Variants in DOCK9 observed in about 807,000 individuals in gnomAD.
The protein encoded by DOCK9 is dedicator of cytokinesis 9.
DOCK9 carries 89 observed loss-of-function variants against 263.3 expected under a neutral mutation model. The ratio of observed to expected loss-of-function variants is 0.34; its 90% confidence interval spans 0.28 to 0.40. The LOEUF (loss-of-function observed/expected upper bound fraction) is 0.40, where lower values mean the gene tolerates loss of function less well. DOCK9 is among the 10% of genes least tolerant of loss of function. The probability of loss-of-function intolerance (pLI) is 1.00; values close to 1 mark genes in which losing one functional copy is unlikely to be tolerated. For missense variants in DOCK9, 2,140 were observed against 2,603.4 expected (o/e 0.82, Z 3.87); for synonymous variants, 976 against 973.1 (o/e 1.00, Z -0.06).
intron 39 of DOCK9, 130 bp downstream of exon 39, chr13:98,837,364 T>C (rs1404152280): frequency 3.2e-6 from 2 of 626,454 alleles, no homozygotes; most frequent in African/African-American, 3.7e-5. Context: ...AGATTAATGG[T>C]TTCCTTACAG....
intron 35 of DOCK9, among the ~76,000 whole-genome samples, chr13:98,852,171 A>T (rs2093593490): frequency 6.6e-6 from 1 of 152,242 alleles, no homozygotes; most frequent in African/African-American, 2.4e-5. Flanking sequence ...GCTGAAACTC[A>T]TTATTACCAT....
chr13:98,875,404 A>G (rs1219248050), intron 27 of DOCK9, among the ~76,000 whole-genome samples: 1 of 152,222 alleles, frequency 6.6e-6, no homozygotes, highest in East Asian at 1.9e-4. Context: ...TTCACTTTCA[A>G]AAACAGTTCT....
At chr13:98,930,322 G>A (rs2053712916) in intron 2 of DOCK9, 65 bp from the exon 3 acceptor site, 5 of 1,373,048 alleles carry the variant, frequency 3.6e-6, no homozygotes, top group South Asian at 1.2e-5. Context: ...GCCTCAGAGT[G>A]CAGCTGTGTG....
At chr13:98,994,209 A>C (rs1317829879) in intron 1 of DOCK9, among the ~76,000 whole-genome samples, 1 of 152,254 alleles carries the variant, frequency 6.6e-6, no homozygotes, top group Non-Finnish European at 1.5e-5. Context: ...ATCTCCTAGG[A>C]CAGAAGCTGT....
intron 41 of DOCK9, among the ~76,000 whole-genome samples, chr13:98,830,493 C>T (rs943042654): frequency 6.6e-6 from 1 of 152,182 alleles, no homozygotes; most frequent in African/African-American, 2.4e-5. Context: ...TTTGGATATG[C>T]CACCATGGGT....
chr13:98,944,831 C>T (rs1187642580), intron 2 of DOCK9, among the ~76,000 whole-genome samples: 1 of 152,216 alleles, frequency 6.6e-6, no homozygotes, highest in Non-Finnish European at 1.5e-5. Context: ...GAAAGGCTGG[C>T]ACAAATACAA....
Position 98,807,749 on chromosome 13 carries a change from G to T in DOCK9, c.5426C>A (p.Pro1809Gln), listed in dbSNP as rs1445889642. Reference sequence around the variant, plus strand: ...GAGTCTCTGAGAAATTTCCGACAGCGGTGTGAGTTTGGGTTCCTTGTAAAT... The same window carrying T: ...GAGTCTCTGAGAAATTTCCGACAGCTGTGTGAGTTTGGGTTCCTTGTAAAT... ...EYIYKEPKLT[P>Q]LSEISQRLLK... The change falls in exon 48 of 53, where the codon CCG (proline) becomes CAG (glutamine). Residue 1809 changes from proline to glutamine, a missense_variant. Transcript: ENST00000682017. The T allele has an allele frequency of 3.1e-6, 5 of 1,613,524 alleles. No homozygotes were observed. The highest frequency in any genetic ancestry group is 4.2e-6 in the Non-Finnish European group (5 of 1,179,600).
At chr13:99,031,115 G>GC (rs1555297062) in intron 1 of DOCK9, among the ~76,000 whole-genome samples, 8 of 133,408 alleles carry the variant, frequency 6.0e-5, no homozygotes, top group African/African-American at 2.2e-4. Context: ...TGTAATTGAT[G>GC]TTTTTTTTAA....
At chr13:98,795,970 G>A (rs1161588443) in intron 52 of DOCK9, among the ~76,000 whole-genome samples, 3 of 151,986 alleles carry the variant, frequency 2.0e-5, no homozygotes, top group Non-Finnish European at 4.4e-5. Context: ...TGTTGGCCAG[G>A]CTGGTCTCGA....
rs996882696 is a variant in DOCK9 at position 98,881,709 on chromosome 13, T to C, written c.2676-82A>G. 4.2e-5 allele frequency: 59 copies of C among 1,413,430 alleles called. No homozygotes were observed. In the Admixed American group the frequency reaches 1.0e-3, roughly 25 times the overall value. 87.6% of individuals were successfully genotyped at this position (1,413,430 alleles called of 1,614,324 possible). Reference sequence around the variant, plus strand: ...TATTATCACAGCAGTAGTAGAACAATGATGATGCTATCAGCACTTAGGAAA... The same window carrying C: ...TATTATCACAGCAGTAGTAGAACAACGATGATGCTATCAGCACTTAGGAAA... On this transcript the variant is annotated intron_variant, in intron 24 of 52. Coordinates refer to ENST00000682017, the MANE Select transcript of DOCK9 (RefSeq NM_001366683.2).
chr13:98,810,229 C>T lies in DOCK9; in HGVS notation c.5193G>A (p.Glu1731=), dbSNP rs766269599. 5.1e-5 allele frequency: 82 copies of T among 1,613,680 alleles called. No homozygotes were observed. The South Asian group carries it at 8.8e-4, about 17-fold the overall frequency. Residue 1731 remains glutamate, a synonymous_variant, in exon 46 of 53, where the codon GAG becomes GAA. Transcript: ENST00000682017. Reference sequence around the variant, plus strand: ...TAAGTTTGTAGATGTCGGCGATGAGCTCGTAGCGCTCGGCTTTCCAGAGTC... The same window carrying T: ...TAAGTTTGTAGATGTCGGCGATGAGTTCGTAGCGCTCGGCTTTCCAGAGTC... ...ADGLWKAERY[E]LIADIYKLII...
chr13:98,983,683 C>G (rs1486242809), intron 1 of DOCK9, among the ~76,000 whole-genome samples: 2 of 151,460 alleles, frequency 1.3e-5, no homozygotes, highest in Non-Finnish European at 2.9e-5. Context: ...GTGGCATGAC[C>G]TCGGCTCACT....
chr13:98,914,527 G>C (rs1362445464), intron 8 of DOCK9, 132 bp from the exon 9 acceptor site: 3 of 707,412 alleles, frequency 4.2e-6, no homozygotes, highest in Non-Finnish European at 7.1e-6. Flanking sequence ...ATGCTCCTGG[G>C]AAACACTTGG....
At chr13:99,077,236 T>G (rs1278499760) in intron 1 of DOCK9, among the ~76,000 whole-genome samples, 1 of 152,210 alleles carries the variant, frequency 6.6e-6, no homozygotes, top group Non-Finnish European at 1.5e-5. Context: ...CTATCCCCTA[T>G]GATATGGTTT....
At chr13:98,999,946 C>A (rs1195027852) in intron 1 of DOCK9, among the ~76,000 whole-genome samples, 2 of 152,096 alleles carry the variant, frequency 1.3e-5, no homozygotes, top group African/African-American at 4.8e-5. Flanking sequence ...CATGACCACT[C>A]CCTGCCTTGT....
At chr13:99,033,429 G>A (rs2142077280) in intron 1 of DOCK9, among the ~76,000 whole-genome samples, 1 of 152,342 alleles carries the variant, frequency 6.6e-6, no homozygotes, top group Non-Finnish European at 1.5e-5. Context: ...GTTCATGCAT[G>A]AGCGGGAATG....
chr13:98,871,003 C>T (rs1261505916), intron 27 of DOCK9, among the ~76,000 whole-genome samples: 1 of 151,978 alleles, frequency 6.6e-6, no homozygotes, highest in African/African-American at 2.4e-5. Context: ...TTGTTTAGAT[C>T]CGGAAGCAGA....
intron 47 of DOCK9, 52 bp from the exon 48 acceptor site, chr13:98,807,859 ACCACCTAGGAAG>A: frequency 6.8e-7 from 1 of 1,468,030 alleles, no homozygotes; most frequent in Non-Finnish European, 9.2e-7. Context: ...CCCAGGGCTT[ACCACCTAGGAAG>A]CGTTCTTTTA....
At chr13:98,873,126 G>A (rs549634376) in intron 27 of DOCK9, among the ~76,000 whole-genome samples, 23 of 152,278 alleles carry the variant, frequency 1.5e-4, no homozygotes, top group Admixed American at 7.8e-4. Context: ...GGTCACACAT[G>A]TGCTGCCCTC....
Sources: gnomAD v4.1 joint callset for allele counts (sites outside exome capture counted in the v4.1 genomes callset) on GRCh38, gnomAD v4.1.1 for gene constraint, MANE v1.5 for transcripts, NCBI Gene and HGNC (gene_info 2026-07-23, HGNC 2026-07-21) for gene names.